The following TUSC3 variants were observed in gnomAD, a reference collection of about 807,000 sequenced individuals.
TUSC3 encodes dolichyl-diphosphooligosaccharide--protein glycosyltransferase subunit TUSC3.
TUSC3 carries 45 observed loss-of-function variants against 44.8 expected under a neutral mutation model. The ratio of observed to expected loss-of-function variants is 1.00; its 90% confidence interval spans 0.79 to 1.29. The LOEUF (loss-of-function observed/expected upper bound fraction) is 1.29, where lower values mean the gene tolerates loss of function less well. TUSC3 is among the 50% of genes most tolerant of loss of function. The probability of loss-of-function intolerance (pLI) is 0.00; values close to 1 mark genes in which losing one functional copy is unlikely to be tolerated. For synonymous variants in TUSC3, 212 were observed against 152.9 expected (o/e 1.39, Z -2.85); for missense variants, 519 against 437.9 (o/e 1.19, Z -1.65).
intron 1 of TUSC3, among the ~76,000 whole-genome samples, chr8:15,445,348 T>C (rs1203244645): frequency 6.6e-6 from 1 of 152,080 alleles, no homozygotes; most frequent in Non-Finnish European, 1.5e-5. Flanking sequence ...TTGATCATTA[T>C]TGGGTGTTTC....
At chr8:15,671,842 CT>C (rs966073564) in intron 5 of TUSC3, among the ~76,000 whole-genome samples, 9 of 151,958 alleles carry the variant, frequency 5.9e-5, no homozygotes, top group South Asian at 4.1e-4. Flanking sequence ...ATAAATGATA[CT>C]TTTTTTTATG....
intron 6 of TUSC3, among the ~76,000 whole-genome samples, chr8:15,728,944 T>A (rs188692153): frequency 6.6e-6 from 1 of 152,184 alleles, no homozygotes; most frequent in African/African-American, 2.4e-5. Flanking sequence ...TGAAGCAGAT[T>A]TTTCAGGTAG....
intron 1 of TUSC3, among the ~76,000 whole-genome samples, chr8:15,418,254 CCT>C (rs1162736123): frequency 5.3e-5 from 8 of 152,082 alleles, no homozygotes. Flanking sequence ...GTTTATCTGC[CCT>C]GTTATAACAA....
intron 6 of TUSC3, among the ~76,000 whole-genome samples, chr8:15,685,628 C>G (rs1050159182): frequency 6.6e-6 from 1 of 152,146 alleles, no homozygotes; most frequent in Non-Finnish European, 1.5e-5. Flanking sequence ...CTATTTATTT[C>G]TACTACACAT....
intron 1 of TUSC3, among the ~76,000 whole-genome samples, chr8:15,469,365 A>G (rs536434519): frequency 6.6e-6 from 1 of 152,328 alleles, no homozygotes; most frequent in Admixed American, 6.5e-5. Context: ...TGGACACATC[A>G]CCGAAGATAT....
intron 2 of TUSC3, among the ~76,000 whole-genome samples, chr8:15,504,608 TATATATATA>T (rs1443628732): frequency 3.0e-5 from 1 of 33,654 alleles, no homozygotes; most frequent in South Asian, 1.0e-3. Flanking sequence ...TATATATATA[TATATATATA>T]TATATTTTTT....
Position 15,624,962 on chromosome 8 carries a change from A to G in TUSC3, c.308+1713A>G, listed in dbSNP as rs116487918. On this transcript the variant is annotated intron_variant, in intron 2 of 10. Transcript: ENST00000503731. ...TCTGCTCTTTGAAAGAAAGCACTCA[A>G]TCTGTCATCAAGTATGATATTAGCT... 6.0e-3 allele frequency among the ~76,000 whole-genome samples: 909 copies of G among 152,218 alleles called. 8 individuals carry two copies. The highest frequency in any genetic ancestry group is 0.02 in the African/African-American group (837 of 41,532).
At chr8:15,455,566 A>G (rs935905148) in intron 1 of TUSC3, among the ~76,000 whole-genome samples, 1 of 152,164 alleles carries the variant, frequency 6.6e-6, no homozygotes, top group Admixed American at 6.5e-5. Context: ...GTATATGTAT[A>G]CATATACTTT....
Position 15,420,699 on chromosome 8 carries a change from A to T in TUSC3, n.91+3394A>T, listed in dbSNP as rs567945650. Among the ~76,000 whole-genome samples the T allele has an allele frequency of 3.3e-5, 5 of 152,044 alleles. No individual in the cohort carries two copies. In the East Asian group the frequency reaches 7.8e-4, roughly 24 times the overall value. ...CATGATTCTCTTTCCCACTCCTACA[A>T]AGTACCTCTCTGGAGGTTACCAGCA... On this transcript the variant is annotated intron_variant and non_coding_transcript_variant, in intron 1 of 5. Transcript: ENST00000503191.
intron 2 of TUSC3, among the ~76,000 whole-genome samples, chr8:15,500,514 G>A (rs1800945291): frequency 6.6e-6 from 1 of 152,060 alleles, no homozygotes; most frequent in African/African-American, 2.4e-5. Flanking sequence ...CACAAAAAAG[G>A]AAACCAGCAT....
chr8:15,581,335 A>G (rs1253500419), intron 1 of TUSC3, among the ~76,000 whole-genome samples: 3 of 149,714 alleles, frequency 2.0e-5, no homozygotes, highest in South Asian at 2.1e-4. Flanking sequence ...GTCATTCTCC[A>G]TCCAGCTTTG....
intron 1 of TUSC3, among the ~76,000 whole-genome samples, chr8:15,571,174 G>T (rs990232895): frequency 6.6e-6 from 1 of 151,576 alleles, no homozygotes; most frequent in African/African-American, 2.4e-5. Flanking sequence ...GGCTGGTCTC[G>T]AACTCCTGAC....
intron 2 of TUSC3, among the ~76,000 whole-genome samples, chr8:15,647,137 C>T (rs1203448213): frequency 2.0e-5 from 3 of 152,026 alleles, no homozygotes. Flanking sequence ...ATAATTATTA[C>T]ATTTGAGTTC....
rs189790433 is a variant in TUSC3 at position 15,430,468 on chromosome 8, G to A, written n.91+13163G>A. On this transcript the variant is annotated intron_variant and non_coding_transcript_variant, in intron 1 of 5. Transcript: ENST00000503191. ...AACTCTCAATAAATTAAGTATTGAT[G>A]GGATGTATCTCAAAATAATAAGAGC... Among the ~76,000 whole-genome samples the A allele has an allele frequency of 8.0e-4, 121 of 150,548 alleles. 3 individuals carry two copies. Among genetic ancestry groups the A allele is most frequent in the African/African-American group, 2.8e-3 (115 of 40,528 alleles).
chr8:15,570,374 G>T (rs1802830111), intron 1 of TUSC3, among the ~76,000 whole-genome samples: 1 of 151,916 alleles, frequency 6.6e-6, no homozygotes, highest in South Asian at 2.1e-4. Flanking sequence ...TTGGTTGAAA[G>T]ATTGTATTCT....
intron 1 of TUSC3, among the ~76,000 whole-genome samples, chr8:15,588,605 A>C (rs1233221619): frequency 6.6e-6 from 1 of 151,984 alleles, no homozygotes; most frequent in Non-Finnish European, 1.5e-5. Context: ...TGTGCTTTTG[A>C]AGTCTTATCA....
chr8:15,703,215 TTAGTA>T (rs1397431589), intron 6 of TUSC3, among the ~76,000 whole-genome samples: 1 of 152,172 alleles, frequency 6.6e-6, no homozygotes, highest in African/African-American at 2.4e-5. Flanking sequence ...TCAGGGGACA[TTAGTA>T]TAGGTATAAA....
intron 5 of TUSC3, among the ~76,000 whole-genome samples, chr8:15,666,715 G>C (rs1245370736): frequency 6.6e-6 from 1 of 151,214 alleles, no homozygotes; most frequent in Non-Finnish European, 1.5e-5. Context: ...TGAGAAGCAA[G>C]TAATTTCTGA....
intron 2 of TUSC3, among the ~76,000 whole-genome samples, chr8:15,523,708 G>A (rs368552880): frequency 0.65 from 72,077 of 111,530 alleles, 24,594 homozygotes; most frequent in African/African-American, 0.67. Flanking sequence ...GTGTGTGTGT[G>A]TATATATATA....
Sources: allele counts gnomAD v4.1 joint callset (sites outside exome capture counted in the v4.1 genomes callset), GRCh38; gene constraint gnomAD v4.1.1; transcripts MANE v1.5; gene names NCBI Gene and HGNC (gene_info 2026-07-23, HGNC 2026-07-21).